Variants in RCOR1 observed in about 807,000 individuals in gnomAD.
RCOR1 encodes the protein REST corepressor 1, also known as REST corepressor.
RCOR1 carries 12 observed loss-of-function variants against 64.0 expected under a neutral mutation model. The ratio of observed to expected loss-of-function variants is 0.19; its 90% CI spans 0.12 to 0.30. RCOR1 has a LOEUF of 0.30. Ranked by LOEUF, RCOR1 falls within the 10% of genes least tolerant of loss-of-function variation. The pLI, the probability that RCOR1 is intolerant of heterozygous loss-of-function variation, is 1.00. For synonymous variants in RCOR1, 279 were observed against 227.2 expected, an observed-to-expected ratio of 1.23 and a Z score of -2.05; for missense variants, 502 against 621.2, an observed-to-expected ratio of 0.81 and a Z score of 2.04.
chr14:102,726,031 C>A (rs1896252013), intron 11 of RCOR1, among the ~76,000 whole-genome samples: 1 of 152,064 alleles, frequency 6.6e-6, no homozygotes, highest in African/African-American at 2.4e-5. Flanking sequence ...CTTGCCCTGC[C>A]CTTAAGAACA....
chr14:102,630,821 A>G (rs1894095986), intron 2 of RCOR1, among the ~76,000 whole-genome samples: 1 of 152,138 alleles, frequency 6.6e-6, no homozygotes, highest in Non-Finnish European at 1.5e-5. Context: ...TTAATGGCTT[A>G]AAACAACTGC....
chr14:102,680,450 T>C (rs972332415), intron 2 of RCOR1, among the ~76,000 whole-genome samples: 1 of 152,194 alleles, frequency 6.6e-6, no homozygotes, highest in Non-Finnish European at 1.5e-5. Flanking sequence ...TGATGACTTT[T>C]GTTTTAGATT....
rs1225480304 is a variant in RCOR1, at chr14:102,729,645, C to G, written c.*3139C>G. 14 of 390,664 alleles carry G rather than the reference C, an allele frequency of 3.6e-5. No individual in the cohort carries two copies. In the East Asian group the frequency reaches 4.7e-4, roughly 13 times the overall value. 24.2% of individuals were successfully genotyped at this position (390,664 alleles called of 1,614,324 possible). On this transcript the variant is annotated 3_prime_UTR_variant, in exon 12 of 12. Transcript: ENST00000262241. ...ACTCATAAAACAGTGGCTTTCTGTT[C>G]ATCTAAAGTTTCCTCAGATACCACA... is the stretch of plus-strand genomic sequence containing the variant.
chr14:102,597,032 C>T (rs1893266640), intron 2 of RCOR1, among the ~76,000 whole-genome samples: 1 of 151,832 alleles, frequency 6.6e-6, no homozygotes, highest in Non-Finnish European at 1.5e-5. Flanking sequence ...GCCACCATGC[C>T]TGGCTAATTT....
chr14:102,637,101 AG>A (rs1894257844), intron 2 of RCOR1, among the ~76,000 whole-genome samples: 2 of 151,460 alleles, frequency 1.3e-5, no homozygotes, highest in African/African-American at 4.9e-5. Flanking sequence ...GCTGTGTACA[AG>A]TTTTTTTTGT....
intron 2 of RCOR1, among the ~76,000 whole-genome samples, chr14:102,663,497 G>A (rs1595218787): frequency 6.6e-6 from 1 of 152,206 alleles, no homozygotes; most frequent in African/African-American, 2.4e-5. Context: ...TGGTGGTACA[G>A]TAGTTAGAAG....
At chr14:102,680,375 T>C (rs1373747817) in intron 2 of RCOR1, among the ~76,000 whole-genome samples, 1 of 152,230 alleles carries the variant, frequency 6.6e-6, no homozygotes, top group Admixed American at 6.5e-5. Flanking sequence ...TAGACTTTTA[T>C]TGGAAATACA....
chr14:102,711,337 T>C (rs1205208054), intron 7 of RCOR1, among the ~76,000 whole-genome samples: 1 of 152,146 alleles, frequency 6.6e-6, no homozygotes, highest in African/African-American at 2.4e-5. Flanking sequence ...CAGGCAGCCT[T>C]AGGGTCTCCA....
intron 3 of RCOR1, among the ~76,000 whole-genome samples, chr14:102,686,929 T>C (rs1895434024): frequency 6.6e-6 from 1 of 152,260 alleles, no homozygotes; most frequent in African/African-American, 2.4e-5. Context: ...TATTGGATTA[T>C]ATTTTTTCCT....
chr14:102,606,214 C>T (rs1180662031), intron 2 of RCOR1, among the ~76,000 whole-genome samples: 1 of 152,176 alleles, frequency 6.6e-6, no homozygotes, highest in Admixed American at 6.6e-5. Context: ...GCATGAGCCA[C>T]CGTGCCCGGC....
chr14:102,671,032 C>T (rs2139948467), intron 2 of RCOR1, among the ~76,000 whole-genome samples: 1 of 152,286 alleles, frequency 6.6e-6, no homozygotes, highest in Admixed American at 6.5e-5. Flanking sequence ...TCTTGGCCTC[C>T]CAAAGTGCTG....
intron 2 of RCOR1, among the ~76,000 whole-genome samples, chr14:102,593,705 C>T (rs538022223): frequency 6.6e-6 from 1 of 152,256 alleles, no homozygotes; most frequent in East Asian, 1.9e-4. Context: ...TGCGAGCGCC[C>T]CGGACTTAGG....
At chr14:102,711,165 T>TAA in intron 7 of RCOR1, 152 bp downstream of exon 7, 1 of 600,686 alleles carries the variant, frequency 1.7e-6, no homozygotes, top group Non-Finnish European at 2.9e-6. Flanking sequence ...GTCTTTGCTT[T>TAA]ATAGATTGTA....
chr14:102,701,734 G>A lies in RCOR1; in HGVS notation c.498+404G>A, dbSNP rs1404321688. Among the ~76,000 whole-genome samples, 3 of 152,154 alleles carry A rather than the reference G, an allele frequency of 2.0e-5. 1 individual carries two copies. The highest frequency in any genetic ancestry group is 1.3e-4 in the Admixed American group (2 of 15,274). ...TATTCACCATTTTGAATCATTTTCAGTTTGAGATGGAGTCTCGCTCTGGTG... is the reference window on the plus strand; with the variant it reads ...TATTCACCATTTTGAATCATTTTCAATTTGAGATGGAGTCTCGCTCTGGTG... On this transcript the variant is annotated intron_variant, in intron 4 of 11. Transcript: ENST00000262241.
chr14:102,666,853 T>C (rs1233471907), intron 2 of RCOR1, among the ~76,000 whole-genome samples: 2 of 152,210 alleles, frequency 1.3e-5, no homozygotes, highest in African/African-American at 2.4e-5. Context: ...CGGAGTACTT[T>C]ACAGTGGAAA....
At chr14:102,669,135 C>G (rs1326311352) in intron 2 of RCOR1, among the ~76,000 whole-genome samples, 1 of 151,984 alleles carries the variant, frequency 6.6e-6, no homozygotes, top group Non-Finnish European at 1.5e-5. Context: ...CATGGAGAAA[C>G]CCTGTCTCTA....
At chr14:102,618,648 T>C (rs1311959316) in intron 2 of RCOR1, among the ~76,000 whole-genome samples, 2 of 152,226 alleles carry the variant, frequency 1.3e-5, no homozygotes, top group Non-Finnish European at 2.9e-5. Flanking sequence ...GGCTGAAGTT[T>C]AGTAATTTGC....
chr14:102,633,535 A>C (rs1351720336), intron 2 of RCOR1, among the ~76,000 whole-genome samples: 1 of 151,476 alleles, frequency 6.6e-6, no homozygotes, highest in Non-Finnish European at 1.5e-5. Flanking sequence ...TTAAAAATGG[A>C]GGTTTTTTTT....
chr14:102,610,023 G>A (rs1314123098), intron 2 of RCOR1, among the ~76,000 whole-genome samples: 3 of 151,866 alleles, frequency 2.0e-5, no homozygotes, highest in Admixed American at 1.3e-4. Context: ...CCAGCTACTC[G>A]GGAGGCTGAG....
Sources: gnomAD v4.1 joint callset for allele counts (sites outside exome capture counted in the v4.1 genomes callset) on GRCh38, gnomAD v4.1.1 for gene constraint, MANE v1.5 for transcripts, NCBI Gene and HGNC (gene_info 2026-07-23, HGNC 2026-07-21) for gene names.